The following PARD3 variants were observed in gnomAD, a reference collection of about 807,000 sequenced individuals.
PARD3 encodes par-3 family cell polarity regulator.
PARD3 carries 75 observed loss-of-function variants against 155.4 expected under a neutral mutation model. That is an observed-to-expected ratio of 0.48 (90% CI 0.40 to 0.58). The LOEUF is 0.58. Ranked by LOEUF, PARD3 falls within the 20% of genes least tolerant of loss-of-function variation. The pLI is 0.00. For synonymous variants in PARD3, 576 were observed against 610.5 expected (o/e 0.94, Z 0.83); for missense variants, 1,642 against 1,721.7 (o/e 0.95, Z 0.82).
chr10:34,196,717 G>A (rs1037531797), intron 22 of PARD3, among the ~76,000 whole-genome samples: 2 of 151,754 alleles, frequency 1.3e-5, no homozygotes, highest in Non-Finnish European at 2.9e-5. Context: ...GGGACTACAG[G>A]TGCCCGCCAC....
chr10:34,133,694 G>A (rs1947735780), intron 22 of PARD3, among the ~76,000 whole-genome samples: 1 of 152,174 alleles, frequency 6.6e-6, no homozygotes, highest in African/African-American at 2.4e-5. Flanking sequence ...AGTAGAGTAC[G>A]TAAAATTCTC....
At chr10:34,547,923 G>A (rs189584111) in intron 2 of PARD3, among the ~76,000 whole-genome samples, 1 of 152,242 alleles carries the variant, frequency 6.6e-6, no homozygotes, top group East Asian at 1.9e-4. Context: ...CATAAATATT[G>A]TTGCACATCA....
chr10:34,591,441 T>C (rs1223019904), intron 2 of PARD3, among the ~76,000 whole-genome samples: 2 of 152,192 alleles, frequency 1.3e-5, no homozygotes, highest in Non-Finnish European at 2.9e-5. Context: ...TTCTACCACA[T>C]GTCGAACATT....
rs57442429 is a variant in PARD3, at chr10:34,145,221, A to ATTTT, written c.3420-13642_3420-13639dup. ...TATATATATATATATATATATATATATTTTTTTTTTTTTTTTTTTTACAGG... is the reference window on the plus strand; with the variant it reads ...TATATATATATATATATATATATATATTTTTTTTTTTTTTTTTTTTTTTTACAGG... On this transcript the variant is annotated intron_variant, in intron 22 of 24. Transcript: ENST00000374788. Among the ~76,000 whole-genome samples the ATTTT allele has an allele frequency of 4.8e-3, 162 of 33,962 alleles. 4 individuals carry two copies. The highest frequency in any genetic ancestry group is 6.1e-3 in the Non-Finnish European group (122 of 19,922). The allele number at this position is 33,962 out of a possible 152,430, so 22.3% of individuals were successfully genotyped here. A position where few individuals can be genotyped will look rare whatever the true frequency, so the allele number is the denominator to read the frequency against.
chr10:34,416,980 C>G (rs1176007194), intron 5 of PARD3, among the ~76,000 whole-genome samples: 1 of 152,212 alleles, frequency 6.6e-6, no homozygotes, highest in Non-Finnish European at 1.5e-5. Context: ...AACCTTACAG[C>G]AAGGATGATA....
At chr10:34,254,605 AG>A (rs1954557169) in intron 22 of PARD3, among the ~76,000 whole-genome samples, 1 of 151,000 alleles carries the variant, frequency 6.6e-6, no homozygotes, top group South Asian at 2.1e-4. Context: ...TTTCCCATTT[AG>A]GAATTCAGGA....
intron 3 of PARD3, among the ~76,000 whole-genome samples, chr10:34,470,618 T>A (rs1186017555): frequency 6.6e-6 from 1 of 152,204 alleles, no homozygotes; most frequent in Admixed American, 6.5e-5. Context: ...ATGTAAGGAC[T>A]AAATAATATA....
intron 2 of PARD3, among the ~76,000 whole-genome samples, chr10:34,589,096 G>A (rs1008759214): frequency 6.6e-6 from 1 of 152,082 alleles, no homozygotes; most frequent in Non-Finnish European, 1.5e-5. Context: ...AGACATAGAA[G>A]ATATGTGGAA....
At chr10:34,814,305 G>A (rs1346888798) in intron 1 of PARD3, among the ~76,000 whole-genome samples, 1 of 151,938 alleles carries the variant, frequency 6.6e-6, no homozygotes, top group African/African-American at 2.4e-5. Context: ...GGCCGCCCCT[G>A]CCGGCCCCTA....
intron 1 of PARD3, among the ~76,000 whole-genome samples, chr10:34,705,265 G>C (rs1214735236): frequency 6.6e-6 from 1 of 152,148 alleles, no homozygotes; most frequent in Non-Finnish European, 1.5e-5. Flanking sequence ...AGGAGTTCAA[G>C]ACCAGCCTGG....
intron 2 of PARD3, among the ~76,000 whole-genome samples, chr10:34,685,316 T>C (rs185195252): frequency 6.6e-6 from 1 of 152,314 alleles, no homozygotes; most frequent in African/African-American, 2.4e-5. Flanking sequence ...TTAAAATGTA[T>C]ATTTCCCCAA....
chr10:34,707,205 A>C (rs1453461880), intron 1 of PARD3, among the ~76,000 whole-genome samples: 3 of 151,714 alleles, frequency 2.0e-5, no homozygotes, highest in Non-Finnish European at 4.4e-5. Context: ...GTGGCGTGCC[A>C]CTGCACTCCA....
At chr10:34,602,851 A>AT (rs548786523) in intron 2 of PARD3, among the ~76,000 whole-genome samples, 1 of 152,056 alleles carries the variant, frequency 6.6e-6, no homozygotes, top group Non-Finnish European at 1.5e-5. Flanking sequence ...ATCCTCTTGA[A>AT]TTTTTTTTAA....
chr10:34,623,488 T>G (rs1332622573), intron 2 of PARD3, among the ~76,000 whole-genome samples: 7 of 152,182 alleles, frequency 4.6e-5, no homozygotes, highest in Non-Finnish European at 8.8e-5. Context: ...GCATCTCTAT[T>G]TAAAACCTCT....
In PARD3 at chr10:34,671,342, G is replaced by C. The variant is rs78128692; in HGVS notation, c.222+24976C>G. On this transcript the variant is annotated intron_variant, in intron 2 of 24. Coordinates refer to ENST00000374788, the MANE Select transcript of PARD3 (RefSeq NM_001184785.2). The stretch of plus-strand genomic sequence containing the variant: ...GATATAAAATGTTGATTTTGGTAGG[G>C]AAAAATAAAGTGATGCACGCAAGTC... Among the ~76,000 whole-genome samples the C allele has an allele frequency of 3.0e-3, 451 of 152,238 alleles. 1 individual carries two copies. Among genetic ancestry groups the C allele is most frequent in the African/African-American group, 0.01 (431 of 41,522 alleles).
chr10:34,381,344 A>T (rs1385835919), intron 9 of PARD3, among the ~76,000 whole-genome samples: 1 of 152,236 alleles, frequency 6.6e-6, no homozygotes, highest in African/African-American at 2.4e-5. Flanking sequence ...TATAAAAAAA[A>T]ATATTCTTTA....
Position 34,687,729 on chromosome 10 carries a change from T to C in PARD3, c.222+8589A>G, listed in dbSNP as rs145882418. On this transcript the variant is annotated intron_variant, in intron 2 of 24. Coordinates refer to ENST00000374788, the MANE Select transcript of PARD3 (RefSeq NM_001184785.2). Reference sequence around the variant, plus strand: ...TCTGAATCACCTTCAGCACCAAAGATAGTAAAAGATGACAACATGGGGAAG... The same window carrying C: ...TCTGAATCACCTTCAGCACCAAAGACAGTAAAAGATGACAACATGGGGAAG... Among the ~76,000 whole-genome samples, 20 of 151,504 alleles carry C rather than the reference T, an allele frequency of 1.3e-4. No individual in the cohort carries two copies. The East Asian group carries it at 3.5e-3, about 26-fold the overall frequency.
At chr10:34,769,546 A>G (rs1222800323) in intron 1 of PARD3, among the ~76,000 whole-genome samples, 1 of 151,984 alleles carries the variant, frequency 6.6e-6, no homozygotes, top group Non-Finnish European at 1.5e-5. Flanking sequence ...ACTTGAGTCC[A>G]GGAGTCCGAC....
chr10:34,542,249 A>G (rs2083690286), intron 2 of PARD3, among the ~76,000 whole-genome samples: 1 of 120,312 alleles, frequency 8.3e-6, no homozygotes, highest in African/African-American at 2.9e-5. Context: ...GCACACACAC[A>G]CACGCTTGCA....
Sources: gnomAD v4.1 joint callset for allele counts (sites outside exome capture counted in the v4.1 genomes callset) on GRCh38, gnomAD v4.1.1 for gene constraint, MANE v1.5 for transcripts, NCBI Gene and HGNC (gene_info 2026-07-23, HGNC 2026-07-21) for gene names.